The following ACVR1 variants were observed in gnomAD, a reference collection of about 807,000 sequenced individuals.
ACVR1 encodes the protein activin receptor type-1.
In ACVR1, 38 loss-of-function variants were observed where a neutral mutation model predicts 57.1. The ratio of observed to expected loss-of-function variants is 0.67; its 90% confidence interval spans 0.51 to 0.87. The LOEUF (loss-of-function observed/expected upper bound fraction) is 0.87, where lower values mean the gene tolerates loss of function less well. ACVR1 is among the 40% of genes least tolerant of loss of function. ACVR1 has a pLI of 0.00. For missense variants in ACVR1, 463 were observed against 638.2 expected (o/e 0.73, Z 2.96); for synonymous variants, 212 against 228.1 (o/e 0.93, Z 0.63).
chr2:157,796,527 C>T (rs1273582383), intron 3 of ACVR1, among the ~76,000 whole-genome samples: 4 of 152,098 alleles, frequency 2.6e-5, no homozygotes, highest in Non-Finnish European at 5.9e-5. Context: ...GCACCCCAAC[C>T]TGGGTGAAAG....
rs1041181350 is a variant in ACVR1, at chr2:157,817,988, C to A, written c.-8+397G>T. 2.2e-5 allele frequency among the ~76,000 whole-genome samples: 3 copies of A among 138,476 alleles called. No homozygotes were observed. In the South Asian group the frequency reaches 7.4e-4, roughly 34 times the overall value. 90.8% of individuals were successfully genotyped at this position (138,476 alleles called of 152,430 possible). ...CTGCACTCCAGCCTAGGTGACAGAA[C>A]GAGACTCCGTCTCAAAAAAAAAAAA... is the stretch of plus-strand genomic sequence containing the variant. On this transcript the variant is annotated intron_variant, in intron 2 of 10. Coordinates refer to ENST00000434821, the MANE Select transcript of ACVR1 (RefSeq NM_001111067.4).
At chr2:157,754,331 A>G (rs971961036) in intron 9 of ACVR1, among the ~76,000 whole-genome samples, 2 of 152,244 alleles carry the variant, frequency 1.3e-5, no homozygotes, top group Non-Finnish European at 2.9e-5. Flanking sequence ...GGTTCTCTGA[A>G]AAGATAAATA....
rs1277295396 is a variant in ACVR1, at chr2:157,875,975, C to CGGCTGCGGT, written c.-371_-363dup. 6.7e-6 allele frequency: 1 copy of CGGCTGCGGT among 150,000 alleles called. No individual in the cohort carries two copies. Among genetic ancestry groups the CGGCTGCGGT allele is most frequent in the Non-Finnish European group, 1.5e-5 (1 of 67,472 alleles). The allele number at this position is 150,000 out of a possible 1,614,324, so 9.3% of individuals were successfully genotyped here. On this transcript the variant is annotated 5_prime_UTR_variant, in exon 1 of 11. Transcript: ENST00000434821. Reference sequence around the variant, plus strand: ...GCCGAGGGCCGGCCCAGAGCGGCGGCGGCTGCGGTGGCTGCAGCGGAGCGG... The same window carrying CGGCTGCGGT: ...GCCGAGGGCCGGCCCAGAGCGGCGGCGGCTGCGGTGGCTGCGGTGGCTGCAGCGGAGCGG...
intron 5 of ACVR1, among the ~76,000 whole-genome samples, chr2:157,775,663 A>G (rs1455453651): frequency 1.3e-5 from 2 of 151,922 alleles, no homozygotes; most frequent in Admixed American, 1.3e-4. Context: ...GCAGAGTTTC[A>G]TATCTCCCTA....
At chr2:157,871,607 G>A (rs937395507) in intron 1 of ACVR1, among the ~76,000 whole-genome samples, 3 of 152,244 alleles carry the variant, frequency 2.0e-5, no homozygotes, top group Admixed American at 6.5e-5. Context: ...AAAGTGGAAT[G>A]TTGGTCAGAG....
intron 3 of ACVR1, among the ~76,000 whole-genome samples, chr2:157,785,351 G>A (rs544729243): frequency 3.3e-5 from 5 of 152,316 alleles, no homozygotes; most frequent in Admixed American, 2.6e-4. Flanking sequence ...GCTTATATGA[G>A]GTTTATAGAT....
intron 7 of ACVR1, among the ~76,000 whole-genome samples, chr2:157,766,762 GCTAT>G (rs1685877775): frequency 6.6e-6 from 1 of 152,214 alleles, no homozygotes; most frequent in African/African-American, 2.4e-5. Flanking sequence ...TATTTATGAT[GCTAT>G]CTGTCAGTCA....
chr2:157,850,426 A>T (rs1347092418), intron 1 of ACVR1, among the ~76,000 whole-genome samples: 1 of 151,998 alleles, frequency 6.6e-6, no homozygotes, highest in East Asian at 1.9e-4. Flanking sequence ...AACAGACTAC[A>T]TAGACTCAGA....
At chr2:157,792,363 G>A (rs1425864283) in intron 3 of ACVR1, among the ~76,000 whole-genome samples, 3 of 152,194 alleles carry the variant, frequency 2.0e-5, no homozygotes, top group African/African-American at 7.2e-5. Flanking sequence ...ATGAGAATCA[G>A]GCCACAGCTG....
chr2:157,812,059 A>C lies in ACVR1; in HGVS notation c.-8+6326T>G, dbSNP rs188054051. ...ACCTTATAAACTGAATTTGAATCAC[A>C]AAGTATCAGAATGAACTCATGAAGT... On this transcript the variant is annotated intron_variant, in intron 2 of 10. Transcript: ENST00000434821. Among the ~76,000 whole-genome samples the C allele has an allele frequency of 2.0e-5, 3 of 152,382 alleles. No individual in the cohort carries two copies. The East Asian group carries it at 5.8e-4, about 29-fold the overall frequency.
chr2:157,855,452 G>A lies in ACVR1; in HGVS notation c.-183+20344C>T, dbSNP rs536121921. ...AAAGTGGAGGTTGTGAGCCAAGATCGCGCCACTGTACTCCAGACTGGGCAA... is the reference window on the plus strand; with the variant it reads ...AAAGTGGAGGTTGTGAGCCAAGATCACGCCACTGTACTCCAGACTGGGCAA... On this transcript the variant is annotated intron_variant, in intron 1 of 10. Transcript: ENST00000434821. Among the ~76,000 whole-genome samples, 19 of 151,698 alleles carry A rather than the reference G, an allele frequency of 1.3e-4. No homozygotes were observed. The South Asian group carries it at 3.6e-3, about 28-fold the overall frequency.
chr2:157,849,441 T>TA (rs1226620407), intron 1 of ACVR1, among the ~76,000 whole-genome samples: 6 of 152,320 alleles, frequency 3.9e-5, no homozygotes, highest in Middle Eastern at 6.8e-3. Context: ...AACTGTTTAA[T>TA]AAAAAATGTG....
intron 1 of ACVR1, among the ~76,000 whole-genome samples, chr2:157,835,265 C>T (rs551286980): frequency 5.3e-5 from 8 of 152,250 alleles, no homozygotes; most frequent in African/African-American, 9.6e-5. Flanking sequence ...TCCTGCCATG[C>T]GCTATCTTTA....
At chr2:157,765,374 G>A (rs1169487396) in intron 8 of ACVR1, among the ~76,000 whole-genome samples, 1 of 152,192 alleles carries the variant, frequency 6.6e-6, no homozygotes, top group Admixed American at 6.5e-5. Flanking sequence ...CCTACTTTAT[G>A]TGAAGGTTAG....
intron 1 of ACVR1, among the ~76,000 whole-genome samples, chr2:157,853,467 T>A (rs1159945538): frequency 6.6e-6 from 1 of 152,130 alleles, no homozygotes; most frequent in Non-Finnish European, 1.5e-5. Flanking sequence ...CCCAAAGACC[T>A]CATCTCCAAA....
At chr2:157,872,984 G>A (rs557484404) in intron 1 of ACVR1, among the ~76,000 whole-genome samples, 2 of 152,068 alleles carry the variant, frequency 1.3e-5, no homozygotes, top group East Asian at 1.9e-4. Flanking sequence ...AAGTACAAAC[G>A]CATATTTATG....
At chr2:157,844,746 A>G (rs938850307) in intron 1 of ACVR1, among the ~76,000 whole-genome samples, 1 of 152,162 alleles carries the variant, frequency 6.6e-6, no homozygotes, top group Non-Finnish European at 1.5e-5. Flanking sequence ...TGTCCCCACA[A>G]GAATTCATAC....
chr2:157,798,321 C>G (rs1306235663), intron 3 of ACVR1, among the ~76,000 whole-genome samples: 1 of 151,752 alleles, frequency 6.6e-6, no homozygotes, highest in African/African-American at 2.4e-5. Context: ...AAAATCTGTT[C>G]ACCAATTCAG....
intron 1 of ACVR1, among the ~76,000 whole-genome samples, chr2:157,854,696 C>A (rs1180708498): frequency 6.8e-6 from 1 of 146,050 alleles, no homozygotes; most frequent in Non-Finnish European, 1.5e-5. Flanking sequence ...GCACTCCAGC[C>A]TGGGGGACAG....
Sources: gnomAD v4.1 joint callset for allele counts (sites outside exome capture counted in the v4.1 genomes callset) on GRCh38, gnomAD v4.1.1 for gene constraint, MANE v1.5 for transcripts, NCBI Gene and HGNC (gene_info 2026-07-23, HGNC 2026-07-21) for gene names.